The following EPHA4 variants were observed in gnomAD, a reference collection of about 807,000 sequenced individuals.
EPHA4 encodes ephrin type-A receptor 4.
EPHA4 carries 19 observed loss-of-function variants against 108.3 expected under a neutral mutation model. The observed-to-expected ratio is 0.18, with a 90% CI of 0.12 to 0.26. The LOEUF is 0.26. Among genes scored for constraint, EPHA4 ranks in the 10% least tolerant of loss-of-function variants. EPHA4 has a pLI of 1.00. For missense variants in EPHA4, 917 were observed against 1,254.0 expected, an observed-to-expected ratio of 0.73 and a Z score of 4.06; for synonymous variants, 449 against 455.5, an observed-to-expected ratio of 0.99 and a Z score of 0.18.
chr2:221,501,260 G>A, intron 3 of EPHA4, 88 bp from the exon 4 acceptor site: 1 of 1,188,758 alleles, frequency 8.4e-7, no homozygotes, highest in Non-Finnish European at 1.1e-6. Flanking sequence ...TGTTTCAGAA[G>A]AAGGGAGACG....
At chr2:221,570,948 G>C (rs997597441) in intron 1 of EPHA4, among the ~76,000 whole-genome samples, 6 of 152,138 alleles carry the variant, frequency 3.9e-5, no homozygotes, top group Non-Finnish European at 8.8e-5. Context: ...GATGGATGCC[G>C]GAAAGGAGAA....
chr2:221,558,468 T>A (rs1446656074), intron 3 of EPHA4, among the ~76,000 whole-genome samples: 1 of 152,084 alleles, frequency 6.6e-6, no homozygotes, highest in Non-Finnish European at 1.5e-5. Context: ...AGTTCAGTTA[T>A]GTGAAAGTCA....
At chr2:221,431,893 C>A (rs1690088093) in intron 14 of EPHA4, among the ~76,000 whole-genome samples, 1 of 152,122 alleles carries the variant, frequency 6.6e-6, no homozygotes, top group African/African-American at 2.4e-5. Flanking sequence ...CTAAGTTTGA[C>A]ATATTTTCAA....
rs200225096 is a variant in EPHA4 at position 221,501,139 on chromosome 2, G to T, written c.857C>A (p.Thr286Lys). Residue 286 changes from threonine to lysine, a missense_variant, in exon 4 of 18, where the codon ACG (threonine) becomes AAG (lysine). Thr to Lys is a moderately conservative substitution (Grantham distance 78). Around this residue, in one of 3 missense-constraint regions of EPHA4, gnomAD observed 758 missense variants for 1,076.7 expected, o/e 0.70. Transcript: ENST00000281821. ...CKIGYYKALS[T>K]DATCAKCPPH... is the part of the protein sequence containing the mutation. ...TGGGCACTTGGCACAGGTGGCATCC[G>T]TGGAGAGAGCCTTGTAATATCCAAT... The T allele has an allele frequency of 6.2e-7, 1 of 1,611,958 alleles. No individual in the cohort carries two copies. Among genetic ancestry groups the T allele is most frequent in the Non-Finnish European group, 8.5e-7 (1 of 1,179,110 alleles).
chr2:221,464,940 C>T (rs1345591133), intron 5 of EPHA4, among the ~76,000 whole-genome samples: 2 of 152,146 alleles, frequency 1.3e-5, no homozygotes, highest in South Asian at 2.1e-4. Context: ...GAACCAAATT[C>T]TCAGCCAAAA....
chr2:221,445,364 C>A (rs913240148), intron 9 of EPHA4, among the ~76,000 whole-genome samples: 1 of 151,840 alleles, frequency 6.6e-6, no homozygotes, highest in Non-Finnish European at 1.5e-5. Flanking sequence ...CCGAGGCGGG[C>A]GGATCACGAG....
chr2:221,501,116 G>C lies in EPHA4; in HGVS notation c.880C>G (p.Pro294Ala). Residue 294 changes from proline (P) to alanine (A), a missense_variant, in exon 4 of 18, where the codon CCA (proline) becomes GCA (alanine). By Grantham distance (27) the Pro-to-Ala change is conservative. This residue lies in a region of EPHA4 where 758 missense variants were observed against 1,076.7 expected (regional missense o/e 0.70). Transcript: ENST00000281821. ...TCCCAGACAGAGTAGCTGTGGGGTGGGCACTTGGCACAGGTGGCATCCGTG... is the reference window on the plus strand; with the variant it reads ...TCCCAGACAGAGTAGCTGTGGGGTGCGCACTTGGCACAGGTGGCATCCGTG... Reference protein sequence around the residue: ...LSTDATCAKCPPHSYSVWEGA... With the variant: ...LSTDATCAKCAPHSYSVWEGA... 6.2e-7 allele frequency: 1 copy of C among 1,613,278 alleles called. No individual in the cohort carries two copies. The highest frequency in any genetic ancestry group is 8.5e-7 in the Non-Finnish European group (1 of 1,179,584).
intron 3 of EPHA4, among the ~76,000 whole-genome samples, chr2:221,501,749 C>T (rs1482163461): frequency 6.6e-6 from 1 of 152,032 alleles, no homozygotes. Flanking sequence ...TGATTATTTC[C>T]CAATTACAAC....
chr2:221,528,390 T>A (rs1487635025), intron 3 of EPHA4, among the ~76,000 whole-genome samples: 1 of 152,080 alleles, frequency 6.6e-6, no homozygotes, highest in Non-Finnish European at 1.5e-5. Context: ...GCAACAGCAA[T>A]AACAACAAAA....
intron 6 of EPHA4, 89 bp downstream of exon 6, chr2:221,457,769 AGAGGGAGG>A (rs539041905): frequency 7.6e-7 from 1 of 1,309,654 alleles, no homozygotes; most frequent in Admixed American, 2.1e-5. Flanking sequence ...AGAAAAGAAG[AGAGGGAGG>A]GAGGGAGGGA....
chr2:221,491,419 A>T lies in EPHA4; in HGVS notation c.980-8729T>A, dbSNP rs1018750592. On this transcript the variant is annotated intron_variant, in intron 4 of 17. Transcript: ENST00000281821. The stretch of plus-strand genomic sequence containing the variant: ...TGATCGCCAAAAACTAAGATAAGTT[A>T]AGCAAATTGCCAAAATTAAGACAGC... Among the ~76,000 whole-genome samples, 4 of 152,246 alleles carry T rather than the reference A, an allele frequency of 2.6e-5. No homozygotes were observed. In the South Asian group the frequency reaches 8.3e-4, roughly 31 times the overall value.
chr2:221,538,156 G>C (rs2106188553), intron 3 of EPHA4, among the ~76,000 whole-genome samples: 1 of 152,318 alleles, frequency 6.6e-6, no homozygotes. Context: ...AGATGTATGA[G>C]TAGGGTTATA....
intron 3 of EPHA4, among the ~76,000 whole-genome samples, chr2:221,524,295 G>A (rs894012182): frequency 6.6e-6 from 1 of 152,186 alleles, no homozygotes; most frequent in Admixed American, 6.5e-5. Flanking sequence ...GCTAGGCTTC[G>A]GGGTAAAAGA....
At chr2:221,433,013 A>C (rs1690126560) in intron 14 of EPHA4, among the ~76,000 whole-genome samples, 1 of 151,506 alleles carries the variant, frequency 6.6e-6, no homozygotes, top group South Asian at 2.1e-4. Context: ...TTTAGTAGAG[A>C]CGGGGTTTCA....
chr2:221,508,765 T>C (rs1177945975), intron 3 of EPHA4, among the ~76,000 whole-genome samples: 1 of 152,056 alleles, frequency 6.6e-6, no homozygotes, highest in African/African-American at 2.4e-5. Context: ...GGAAAAGAGA[T>C]GAAGCTCTCA....
At chr2:221,462,760 T>G (rs1205173103) in intron 5 of EPHA4, among the ~76,000 whole-genome samples, 1 of 152,192 alleles carries the variant, frequency 6.6e-6, no homozygotes, top group African/African-American at 2.4e-5. Flanking sequence ...CTTCTGAACA[T>G]TTTTCAAACA....
intron 3 of EPHA4, among the ~76,000 whole-genome samples, chr2:221,549,014 C>G (rs1043520268): frequency 1.3e-5 from 2 of 152,122 alleles, no homozygotes; most frequent in Non-Finnish European, 2.9e-5. Flanking sequence ...CTGTAAAACT[C>G]CATTCTTCAT....
chr2:221,450,878 C>G (rs1308700094), intron 8 of EPHA4, among the ~76,000 whole-genome samples: 1 of 152,152 alleles, frequency 6.6e-6, no homozygotes, highest in Non-Finnish European at 1.5e-5. Flanking sequence ...TTCTTGTATT[C>G]TAGACTTTTC....
chr2:221,455,261 G>A (rs969028024), intron 8 of EPHA4, among the ~76,000 whole-genome samples: 6 of 152,146 alleles, frequency 3.9e-5, no homozygotes, highest in African/African-American at 1.4e-4. Flanking sequence ...AGGGATAAAC[G>A]TAACACCTGG....
Sources: allele counts gnomAD v4.1 joint callset (sites outside exome capture counted in the v4.1 genomes callset), GRCh38; gene constraint gnomAD v4.1.1; regional missense constraint gnomAD v4.1.1; transcripts MANE v1.5; gene names NCBI Gene and HGNC (gene_info 2026-07-23, HGNC 2026-07-21).